STK39: variants seen among roughly 807,000 people sequenced by gnomAD.
The protein encoded by STK39 is serine/threonine kinase 39, also known as STE20/SPS1-related proline-alanine-rich protein kinase.
A neutral mutation model predicts 77.8 loss-of-function variants in STK39; 20 were observed. The observed-to-expected ratio is 0.26, with a 90% CI of 0.18 to 0.37. The LOEUF (loss-of-function observed/expected upper bound fraction) is 0.37, where lower values mean the gene tolerates loss of function less well. Among genes scored for constraint, STK39 ranks in the 10% least tolerant of loss-of-function variants. STK39 has a pLI of 1.00. For synonymous variants in STK39, 246 were observed against 234.1 expected (o/e 1.05, Z -0.47); for missense variants, 479 against 656.5 (o/e 0.73, Z 2.95).
chr2:168,228,065 A>C (rs1232983951), intron 1 of STK39, among the ~76,000 whole-genome samples: 1 of 152,248 alleles, frequency 6.6e-6, no homozygotes, highest in African/African-American at 2.4e-5. Context: ...AAGAAATCTA[A>C]GTCGTAACAC....
At chr2:168,027,999 C>G (rs1252563046) in intron 14 of STK39, among the ~76,000 whole-genome samples, 1 of 152,188 alleles carries the variant, frequency 6.6e-6, no homozygotes, top group Non-Finnish European at 1.5e-5. Flanking sequence ...GAGTTTTCAT[C>G]TAGAAGTAAT....
chr2:167,989,273 T>C (rs567958388), intron 16 of STK39, among the ~76,000 whole-genome samples: 1 of 152,256 alleles, frequency 6.6e-6, no homozygotes, highest in African/African-American at 2.4e-5. Context: ...AATAATAAAC[T>C]TCATTTGGTG....
intron 14 of STK39, among the ~76,000 whole-genome samples, chr2:168,061,623 G>C (rs1470209089): frequency 6.6e-6 from 1 of 152,086 alleles, no homozygotes. Flanking sequence ...ATACCCACAA[G>C]AGAAAATATA....
Position 167,954,403 on chromosome 2 carries a change from T to G in STK39, c.*1093A>C, listed in dbSNP as rs1386381951. On this transcript the variant is annotated 3_prime_UTR_variant, in exon 18 of 18. Coordinates refer to ENST00000355999, the MANE Select transcript of STK39 (RefSeq NM_013233.3). ...TTGAACCTTAACAGCGTTTTACCTT[T>G]TAGTCATTGCACAAAACCCTTCCAA... 1 of 152,638 alleles carries G rather than the reference T, an allele frequency of 6.6e-6. No homozygotes were observed. Among genetic ancestry groups the G allele is most frequent in the Non-Finnish European group, 1.5e-5 (1 of 68,038 alleles). 9.5% of individuals were successfully genotyped at this position (152,638 alleles called of 1,614,324 possible).
At chr2:168,033,546 C>G (rs979808417) in intron 14 of STK39, among the ~76,000 whole-genome samples, 6 of 152,202 alleles carry the variant, frequency 3.9e-5, no homozygotes, top group Admixed American at 2.0e-4. Flanking sequence ...ATTTATGGCT[C>G]TAAAACGCTG....
intron 17 of STK39, among the ~76,000 whole-genome samples, chr2:167,957,790 G>T (rs1315017350): frequency 6.6e-6 from 1 of 152,204 alleles, no homozygotes; most frequent in Admixed American, 6.5e-5. Context: ...CTAGAAATGA[G>T]AATATTAAAT....
At chr2:168,091,435 G>C (rs79190599) in intron 10 of STK39, among the ~76,000 whole-genome samples, 2,108 of 152,324 alleles carry the variant, frequency 0.014, 46 homozygotes, top group African/African-American at 0.048. Flanking sequence ...TTGGAGGCTA[G>C]AGCCTCTGAG....
At chr2:168,245,851 C>G (rs1048768850) in intron 1 of STK39, among the ~76,000 whole-genome samples, 1 of 152,134 alleles carries the variant, frequency 6.6e-6, no homozygotes, top group South Asian at 2.1e-4. Context: ...TATGAAAGAT[C>G]TGGGTTTTCA....
intron 15 of STK39, among the ~76,000 whole-genome samples, chr2:168,014,659 G>A (rs1684361918): frequency 6.6e-6 from 1 of 151,974 alleles, no homozygotes; most frequent in Non-Finnish European, 1.5e-5. Context: ...AAATCTTTAG[G>A]GAAATAAGTG....
chr2:168,104,083 G>C (rs963288358), intron 10 of STK39, among the ~76,000 whole-genome samples: 5 of 152,152 alleles, frequency 3.3e-5, no homozygotes, highest in Non-Finnish European at 7.4e-5. Flanking sequence ...AGTCAGAATA[G>C]TATAAGGTCA....
intron 10 of STK39, among the ~76,000 whole-genome samples, chr2:168,124,788 G>A (rs1350680647): frequency 6.6e-6 from 1 of 152,150 alleles, no homozygotes; most frequent in East Asian, 1.9e-4. Context: ...ATAAAACTTA[G>A]ACATCAGCCA....
chr2:168,098,490 G>A (rs949772556), intron 10 of STK39, among the ~76,000 whole-genome samples: 23 of 152,268 alleles, frequency 1.5e-4, no homozygotes, highest in Non-Finnish European at 2.1e-4. Context: ...ATGCCTGACT[G>A]GGATACGGTC....
intron 15 of STK39, among the ~76,000 whole-genome samples, chr2:168,013,521 A>C (rs1684323416): frequency 6.6e-6 from 1 of 152,228 alleles, no homozygotes; most frequent in Non-Finnish European, 1.5e-5. Context: ...GGTTCAAGAG[A>C]GCTGACTTGG....
intron 16 of STK39, among the ~76,000 whole-genome samples, chr2:167,976,595 AG>A (rs1446359587): frequency 4.6e-5 from 7 of 152,054 alleles, no homozygotes; most frequent in Non-Finnish European, 7.4e-5. Flanking sequence ...TGAGATTTTC[AG>A]GTTTTTTGCA....
chr2:168,079,739 G>T (rs1686177307), intron 10 of STK39, among the ~76,000 whole-genome samples: 1 of 152,216 alleles, frequency 6.6e-6, no homozygotes, highest in African/African-American at 2.4e-5. Flanking sequence ...GAAACACTGT[G>T]CTAGACAACA....
chr2:168,177,062 G>A (rs890798837), intron 2 of STK39, among the ~76,000 whole-genome samples: 1 of 152,128 alleles, frequency 6.6e-6, no homozygotes, highest in Non-Finnish European at 1.5e-5. Context: ...GGGGAGTCAA[G>A]CAAAGAAAGC....
intron 10 of STK39, among the ~76,000 whole-genome samples, chr2:168,124,161 T>C (rs1027041661): frequency 6.6e-6 from 1 of 152,234 alleles, no homozygotes; most frequent in African/African-American, 2.4e-5. Flanking sequence ...CTAAACATTG[T>C]ACTGTTTAGT....
chr2:168,038,930 C>T (rs1336734028), intron 14 of STK39, among the ~76,000 whole-genome samples: 1 of 152,156 alleles, frequency 6.6e-6, no homozygotes, highest in African/African-American at 2.4e-5. Flanking sequence ...AACTAGAATT[C>T]TCATACACTG....
At chr2:167,969,895 G>A (rs148806213) in intron 16 of STK39, among the ~76,000 whole-genome samples, 1 of 152,230 alleles carries the variant, frequency 6.6e-6, no homozygotes, top group African/African-American at 2.4e-5. Context: ...TCTCTACAAT[G>A]GTCTACCAAA....
Sources: gnomAD v4.1 joint callset for allele counts (sites outside exome capture counted in the v4.1 genomes callset) on GRCh38, gnomAD v4.1.1 for gene constraint, MANE v1.5 for transcripts, NCBI Gene and HGNC (gene_info 2026-07-23, HGNC 2026-07-21) for gene names.